Variants in DCAF17 observed in about 807,000 individuals in gnomAD.
The protein encoded by DCAF17 is DDB1 and CUL4 associated factor 17.
A neutral mutation model predicts 66.0 loss-of-function variants in DCAF17; 48 were observed. The observed-to-expected ratio is 0.73, with a 90% CI of 0.58 to 0.92. The LOEUF (loss-of-function observed/expected upper bound fraction) is 0.92. Ranked by LOEUF, DCAF17 falls within the 40% of genes least tolerant of loss-of-function variation. The probability of loss-of-function intolerance (pLI) is 0.00; values close to 1 mark genes in which losing one functional copy is unlikely to be tolerated. For missense variants in DCAF17, 562 were observed against 622.8 expected (o/e 0.90, Z 1.04); for synonymous variants, 206 against 214.6 (o/e 0.96, Z 0.35).
intron 8 of DCAF17, among the ~76,000 whole-genome samples, chr2:171,460,078 A>G (rs1255625049): frequency 6.6e-6 from 1 of 152,170 alleles, no homozygotes; most frequent in African/African-American, 2.4e-5. Flanking sequence ...TAATTCCAGC[A>G]CTTTGGGAGG....
At chr2:171,457,920 G>C (rs1027594001) in intron 6 of DCAF17, 51 bp from the exon 7 acceptor site, 39 of 1,378,874 alleles carry the variant, frequency 2.8e-5, no homozygotes, top group Non-Finnish European at 3.9e-5. Flanking sequence ...ACATTCAGAG[G>C]ATTGGACTTC....
At chr2:171,472,903 G>T in intron 9 of DCAF17, 1 of 336,878 alleles carries the variant, frequency 3.0e-6, no homozygotes, top group Non-Finnish European at 6.0e-6. Flanking sequence ...TGTAAAGCCA[G>T]TGAAGTTAAT....
At chr2:171,479,877 A>G in intron 12 of DCAF17, 161 bp from the exon 13 acceptor site, 7 of 754,902 alleles carry the variant, frequency 9.3e-6, no homozygotes, top group Admixed American at 2.8e-5. Flanking sequence ...TTTACTAGGC[A>G]TATAAACAGA....
rs1170442942 is a variant in DCAF17 at position 171,434,258 on chromosome 2, A to C, written c.-320A>C. 5.9e-6 allele frequency: 3 copies of C among 506,740 alleles called. No homozygotes were observed. Among genetic ancestry groups the C allele is most frequent in the Admixed American group, 2.3e-5 (1 of 43,888 alleles). 31.4% of individuals were successfully genotyped at this position (506,740 alleles called of 1,614,324 possible). A position where few individuals can be genotyped will look rare whatever the true frequency, so the allele number is the denominator to read the frequency against. On this transcript the variant is annotated 5_prime_UTR_variant, in exon 1 of 14. Transcript: ENST00000375255. ...CGGGCTGCCTCACGAGGCACTAGGA[A>C]CTACATTTCCCGGTGAGAGAGCGGC... is the stretch of plus-strand genomic sequence containing the variant.
At chr2:171,456,741 A>G (rs755419401) in intron 6 of DCAF17, among the ~76,000 whole-genome samples, 2 of 152,148 alleles carry the variant, frequency 1.3e-5, no homozygotes, top group Non-Finnish European at 2.9e-5. Context: ...TTTTTAGGAC[A>G]ACTGTGAATG....
intron 2 of DCAF17, among the ~76,000 whole-genome samples, chr2:171,440,736 T>TC (rs35459663): frequency 1.3e-5 from 2 of 152,162 alleles, no homozygotes; most frequent in Non-Finnish European, 2.9e-5. Context: ...TATTTTTGTC[T>TC]CCCCCATTGT....
Position 171,483,951 on chromosome 2 carries a change from A to C in DCAF17, c.*2837A>C, listed in dbSNP as rs1489681284. The C allele has an allele frequency of 2.2e-6, 1 of 454,118 alleles. No homozygotes were observed. The highest frequency in any genetic ancestry group is 4.4e-6 in the Non-Finnish European group (1 of 226,794). 28.1% of individuals were successfully genotyped at this position (454,118 alleles called of 1,614,324 possible). On this transcript the variant is annotated 3_prime_UTR_variant, in exon 14 of 14. Coordinates refer to ENST00000375255, the MANE Select transcript of DCAF17 (RefSeq NM_025000.4). The stretch of plus-strand genomic sequence containing the variant: ...ATGTTATTTTATCCCAATTTAGCAT[A>C]CCAACAACTATAATACTAGATATGT...
chr2:171,443,346 T>G, intron 2 of DCAF17, 177 bp from the exon 3 acceptor site: 1 of 529,820 alleles, frequency 1.9e-6, no homozygotes, highest in Non-Finnish European at 3.2e-6. Flanking sequence ...ATTTTAATCT[T>G]GTTTTTTTTT....
chr2:171,436,753 T>C (rs1031309605), intron 2 of DCAF17, among the ~76,000 whole-genome samples: 4 of 150,422 alleles, frequency 2.7e-5, no homozygotes, highest in Non-Finnish European at 5.9e-5. Context: ...CCTGATGTTA[T>C]TGTTTGAAAC....
intron 8 of DCAF17, among the ~76,000 whole-genome samples, chr2:171,460,286 G>A (rs1025598333): frequency 4.8e-5 from 7 of 144,782 alleles, no homozygotes; most frequent in African/African-American, 1.5e-4. Flanking sequence ...TCGTGCCACT[G>A]CACTCTAGCC....
At chr2:171,448,840 T>G in intron 4 of DCAF17, 23 bp downstream of exon 4, 1 of 1,601,272 alleles carries the variant, frequency 6.2e-7, no homozygotes, top group Non-Finnish European at 8.6e-7. Context: ...AATTTATTAT[T>G]CAAGATTTTA....
At position 171,481,200 on chromosome 2, in the gene DCAF17, C is replaced by T. The variant is rs781065193; in HGVS notation, c.*86C>T. ...AATCCATTTTATTATCTGCATGGCA[C>T]ATTCTCCAGTATTTTCCAAAAAAGT... On this transcript the variant is annotated 3_prime_UTR_variant, in exon 14 of 14. Transcript: ENST00000375255. The T allele has an allele frequency of 1.3e-6, 2 of 1,549,620 alleles. No individual in the cohort carries two copies. The highest frequency in any genetic ancestry group is 1.1e-5 in the South Asian group (1 of 89,170).
intron 2 of DCAF17, among the ~76,000 whole-genome samples, chr2:171,438,098 C>T (rs548554440): frequency 9.2e-5 from 14 of 152,258 alleles, no homozygotes; most frequent in African/African-American, 3.1e-4. Context: ...TAAATTTCTC[C>T]TGGGACTTCT....
intron 9 of DCAF17, 84 bp from the exon 10 acceptor site, chr2:171,473,782 T>C: frequency 9.3e-7 from 1 of 1,070,562 alleles, no homozygotes. Context: ...ACCTTTGACC[T>C]ACTGATCTAT....
At chr2:171,472,268 C>G (rs541383956) in intron 9 of DCAF17, among the ~76,000 whole-genome samples, 15 of 152,128 alleles carry the variant, frequency 9.9e-5, no homozygotes, top group Middle Eastern at 3.4e-3. Context: ...CAAGCTCTGC[C>G]TCCTGGGTTC....
Position 171,448,694 on chromosome 2 carries a change from C to G in DCAF17, c.335C>G (p.Pro112Arg). 6.3e-7 allele frequency: 1 copy of G among 1,593,852 alleles called. No individual in the cohort carries two copies. Among genetic ancestry groups the G allele is most frequent in the Non-Finnish European group, 8.5e-7 (1 of 1,171,590 alleles). Residue 112 changes from proline (P) to arginine (R), a missense_variant, in exon 4 of 14, where the codon CCC becomes CGC. By Grantham distance (103) the Pro-to-Arg change is moderately radical. Coordinates refer to ENST00000375255, the MANE Select transcript of DCAF17 (RefSeq NM_025000.4). Reference protein sequence around the residue: ...LWECPVGDILPNSSDYKSSLI... With the variant: ...LWECPVGDILRNSSDYKSSLI... ...TTTTTTTTTTAGGGAGATATACTTC[C>G]CAATTCATCAGATTATAAGTCCTCA...
intron 8 of DCAF17, among the ~76,000 whole-genome samples, chr2:171,459,169 G>A (rs1017309244): frequency 9.9e-5 from 15 of 152,014 alleles, no homozygotes; most frequent in South Asian, 4.2e-4. Flanking sequence ...TTAGCCAGGC[G>A]TGGTGGCACA....
At chr2:171,439,384 GTT>G (rs530300646) in intron 2 of DCAF17, among the ~76,000 whole-genome samples, 181 of 151,760 alleles carry the variant, frequency 1.2e-3, no homozygotes, top group Non-Finnish European at 2.1e-3. Context: ...AGCTTGGGAA[GTT>G]TCTGTTGACC....
chr2:171,464,133 T>C (rs1006769972), intron 8 of DCAF17, among the ~76,000 whole-genome samples: 13 of 152,198 alleles, frequency 8.5e-5, no homozygotes, highest in African/African-American at 2.7e-4. Flanking sequence ...TCTAGAACAA[T>C]AATGTGTCCC....
Sources: allele counts gnomAD v4.1 joint callset (sites outside exome capture counted in the v4.1 genomes callset), GRCh38; gene constraint gnomAD v4.1.1; transcripts MANE v1.5; gene names NCBI Gene and HGNC (gene_info 2026-07-23, HGNC 2026-07-21).